The following FEM1A variants were observed in gnomAD, a reference collection of about 807,000 sequenced individuals.
FEM1A encodes the protein protein fem-1 homolog A.
FEM1A carries 1 observed loss-of-function variant against 0.7 expected under a neutral mutation model. The observed-to-expected ratio is 1.35, with a 90% CI of 0.48 to 6.40. The LOEUF (loss-of-function observed/expected upper bound fraction) is 6.40, where lower values mean the gene tolerates loss of function less well. Ranked by LOEUF, FEM1A falls within the 30% of genes most tolerant of loss-of-function variation. The pLI is 0.14. For synonymous variants in FEM1A, 391 were observed against 420.6 expected (o/e 0.93, Z 0.86); for missense variants, 721 against 918.7 (o/e 0.78, Z 2.78).
At position 4,793,502 on chromosome 19, in the gene FEM1A, G is replaced by T. The variant is rs2093557294; in HGVS notation, c.1648G>T (p.Val550Leu). 1 of 1,612,956 alleles carries T rather than the reference G, an allele frequency of 6.2e-7. No individual in the cohort carries two copies. Among genetic ancestry groups the T allele is most frequent in the Non-Finnish European group, 8.5e-7 (1 of 1,179,848 alleles). The change falls in exon 1 of 1, where the codon GTG becomes TTG. Residue 550 changes from valine to leucine, a missense_variant. This residue lies in a region of FEM1A where 379 missense variants were observed against 454.8 expected (regional missense o/e 0.83). Transcript: ENST00000269856. This position sits in a 1 kb window ranked among gnomAD's most constrained non-coding sequence, Gnocchi z 5.1. ...HMAVDKDTTNVGRYPVGRFPS... is the reference protein window; with the variant it reads ...HMAVDKDTTNLGRYPVGRFPS... ...GGCTGTGGACAAGGACACCACAAACGTGGGCCGCTATCCCGTGGGCAGATT... is the reference window on the plus strand; with the variant it reads ...GGCTGTGGACAAGGACACCACAAACTTGGGCCGCTATCCCGTGGGCAGATT...
In FEM1A at chr19:4,794,361, A is replaced by G; in HGVS notation, c.*497A>G. ...GATTCAGGGAATGAGACCACCTCTC[A>G]TTTCTTCCAGCATGATCGCGCCCTG... On this transcript the variant is annotated 3_prime_UTR_variant, in exon 1 of 1. Transcript: ENST00000269856. 5.7e-6 allele frequency: 1 copy of G among 176,278 alleles called. No individual in the cohort carries two copies. The highest frequency in any genetic ancestry group is 1.4e-5 in the Non-Finnish European group (1 of 72,900). 10.9% of individuals were successfully genotyped at this position (176,278 alleles called of 1,614,324 possible). A position where few individuals can be genotyped will look rare whatever the true frequency, so the allele number is the denominator to read the frequency against.
rs2093558542 is a variant in FEM1A at position 4,794,388 on chromosome 19, T to C, written c.*524T>C. ...TTCTTCCAGCATGATCGCGCCCTGC[T>C]CCCGTGCCACCGTAGTCCCTGGCAG... On this transcript the variant is annotated 3_prime_UTR_variant, in exon 1 of 1. Transcript: ENST00000269856. The C allele has an allele frequency of 5.8e-6, 1 of 172,132 alleles. No homozygotes were observed. Among genetic ancestry groups the C allele is most frequent in the African/African-American group, 2.4e-5 (1 of 41,482 alleles). 10.7% of individuals were successfully genotyped at this position (172,132 alleles called of 1,614,324 possible). A position where few individuals can be genotyped will look rare whatever the true frequency, so the allele number is the denominator to read the frequency against.
chr19:4,797,328 A>AT lies in FEM1A; in HGVS notation c.*3470dup, dbSNP rs1213372058. The AT allele has an allele frequency of 1.3e-5, 2 of 151,554 alleles. No individual in the cohort carries two copies. Among genetic ancestry groups the AT allele is most frequent in the Non-Finnish European group, 2.9e-5 (2 of 67,936 alleles). 9.4% of individuals were successfully genotyped at this position (151,554 alleles called of 1,614,324 possible). A position where few individuals can be genotyped will look rare whatever the true frequency, so the allele number is the denominator to read the frequency against. On this transcript the variant is annotated 3_prime_UTR_variant, in exon 1 of 1. Coordinates refer to ENST00000269856, the MANE Select transcript of FEM1A (RefSeq NM_018708.3). ...AGGCACCTGCCACCATGCCCGGCTA[A>AT]TTTTTTGTATTTTTAGTAGAGATGG...
In FEM1A at chr19:4,793,694, A is replaced by C; in HGVS notation, c.1840A>C (p.Lys614Gln). 1 of 1,612,704 alleles carries C rather than the reference A, an allele frequency of 6.2e-7. No homozygotes were observed. Among genetic ancestry groups the C allele is most frequent in the South Asian group, 1.1e-5 (1 of 91,020 alleles). ...CCACATGGACGCCACCAATGCCTTC[A>C]AGAAGACGGCCTACGAGCTGCTGGA... ...GAHMDATNAFKKTAYELLDEK... is the reference protein window; with the variant it reads ...GAHMDATNAFQKTAYELLDEK... Residue 614 changes from lysine to glutamine, a missense_variant, in exon 1 of 1, where the codon AAG becomes CAG. Coordinates refer to ENST00000269856, the MANE Select transcript of FEM1A (RefSeq NM_018708.3). This position sits in a 1 kb window ranked among gnomAD's most constrained non-coding sequence, Gnocchi z 5.1.
rs1472222629 is a variant in FEM1A, at chr19:4,792,277, C to T, written c.423C>T (p.Ala141=). Residue 141 remains alanine, a synonymous_variant, in exon 1 of 1, where the codon GCC becomes GCT. Coordinates refer to ENST00000269856, the MANE Select transcript of FEM1A (RefSeq NM_018708.3). The surrounding 1 kb of genome is among the most constrained non-coding windows in gnomAD (Gnocchi z 6.7). The part of the protein sequence containing the change: ...VVRYLVGEHQ[A]DLEVANRHGH... ...GCTACCTGGTCGGCGAGCACCAGGC[C>T]GACCTGGAGGTGGCCAACCGGCACG... The T allele has an allele frequency of 1.9e-6, 3 of 1,562,310 alleles. No individual in the cohort carries two copies. The highest frequency in any genetic ancestry group is 2.3e-5 in the East Asian group (1 of 43,370).
In FEM1A at chr19:4,795,702, C is replaced by CT. The variant is rs34120144; in HGVS notation, c.*1853dup. 5,276 of 137,272 alleles carry CT rather than the reference C, an allele frequency of 0.038. 249 individuals carry two copies. The highest frequency in any genetic ancestry group is 0.12 in the African/African-American group (4,270 of 36,756). The allele number at this position is 137,272 out of a possible 1,614,324, so 8.5% of individuals were successfully genotyped here. A position where few individuals can be genotyped will look rare whatever the true frequency, so the allele number is the denominator to read the frequency against. On this transcript the variant is annotated 3_prime_UTR_variant, in exon 1 of 1. Coordinates refer to ENST00000269856, the MANE Select transcript of FEM1A (RefSeq NM_018708.3). Reference sequence around the variant, plus strand: ...GGGGTTTCTGTGTTACATACTGGGGCTTTTTTTTTTTTTTTGAGACAGAGT... The same window carrying CT: ...GGGGTTTCTGTGTTACATACTGGGGCTTTTTTTTTTTTTTTTGAGACAGAGT...
At position 4,792,042 on chromosome 19, in the gene FEM1A, G is replaced by A; in HGVS notation, c.188G>A (p.Arg63Gln). The A allele has an allele frequency of 6.5e-7, 1 of 1,537,334 alleles. No individual in the cohort carries two copies. Among genetic ancestry groups the A allele is most frequent in the Non-Finnish European group, 8.7e-7 (1 of 1,149,870 alleles). Residue 63 changes from arginine (R) to glutamine (Q), a missense_variant, in exon 1 of 1, where the codon CGG becomes CAG. Arg to Gln is a conservative substitution (Grantham distance 43, BLOSUM62 1). Coordinates refer to ENST00000269856, the MANE Select transcript of FEM1A (RefSeq NM_018708.3). This position sits in a 1 kb window ranked among gnomAD's most constrained non-coding sequence, Gnocchi z 6.7. ...GACGTGGTGGAGTACCTGGTGGACCGGTGCGGCGCGAGCGTGGAGGCCGGT... is the reference window on the plus strand; with the variant it reads ...GACGTGGTGGAGTACCTGGTGGACCAGTGCGGCGCGAGCGTGGAGGCCGGT... Reference protein sequence around the residue: ...HLDVVEYLVDRCGASVEAGGS... With the variant: ...HLDVVEYLVDQCGASVEAGGS...
At position 4,792,475 on chromosome 19, in the gene FEM1A, C is replaced by G; in HGVS notation, c.621C>G (p.Ala207=). ...EILQLLLGCK[A]RMERDGYGMT... ...TGCAGCTGCTGCTGGGGTGCAAGGC[C>G]CGCATGGAACGTGACGGCTACGGCA... is the stretch of plus-strand genomic sequence containing the variant. Residue 207 remains alanine, a synonymous_variant, in exon 1 of 1, where the codon GCC becomes GCG. Coordinates refer to ENST00000269856, the MANE Select transcript of FEM1A (RefSeq NM_018708.3). The surrounding 1 kb of genome is among the most constrained non-coding windows in gnomAD (Gnocchi z 6.7). 1 of 1,597,280 alleles carries G rather than the reference C, an allele frequency of 6.3e-7. No individual in the cohort carries two copies. Among genetic ancestry groups the G allele is most frequent in the Non-Finnish European group, 8.5e-7 (1 of 1,179,658 alleles).
In FEM1A at chr19:4,793,175, C is replaced by G; in HGVS notation, c.1321C>G (p.Leu441Val). The G allele has an allele frequency of 1.2e-6, 2 of 1,613,598 alleles. No individual in the cohort carries two copies. Among genetic ancestry groups the G allele is most frequent in the East Asian group, 2.2e-5 (1 of 44,874 alleles). The change falls in exon 1 of 1, where the codon CTC becomes GTC. Residue 441 changes from leucine to valine, a missense_variant. This residue lies in a region of FEM1A where 379 missense variants were observed against 454.8 expected (regional missense o/e 0.83). Transcript: ENST00000269856. This position sits in a 1 kb window ranked among gnomAD's most constrained non-coding sequence, Gnocchi z 5.1. ...TASSFLSFAE[L>V]FSYVLQDRAA... is the part of the protein sequence containing the mutation. ...CAGCAGCTTCCTCTCCTTCGCGGAA[C>G]TCTTCTCCTACGTGCTTCAGGACCG...
Position 4,792,713 on chromosome 19 carries a change from G to C in FEM1A, c.859G>C (p.Glu287Gln). Reference protein sequence around the residue: ...PEEPLNGESYESCCPTSREAA... With the variant: ...PEEPLNGESYQSCCPTSREAA... ...GGAACCACTGAACGGGGAATCTTAC[G>C]AAAGCTGCTGTCCCACCAGCCGGGA... The change falls in exon 1 of 1, where the codon GAA (glutamate) becomes CAA (glutamine). Residue 287 changes from glutamate to glutamine, a missense_variant. Glu to Gln is a conservative substitution (Grantham distance 29, BLOSUM62 2). Coordinates refer to ENST00000269856, the MANE Select transcript of FEM1A (RefSeq NM_018708.3). This position sits in a 1 kb window ranked among gnomAD's most constrained non-coding sequence, Gnocchi z 6.7. 6.2e-7 allele frequency: 1 copy of C among 1,612,064 alleles called. No homozygotes were observed. The highest frequency in any genetic ancestry group is 8.5e-7 in the Non-Finnish European group (1 of 1,179,864).
rs1425996695 is a variant in FEM1A at position 4,799,025 on chromosome 19, T to A, written c.*5161T>A. On this transcript the variant is annotated 3_prime_UTR_variant, in exon 1 of 1. Transcript: ENST00000269856. ...CGATCCAGCAGATCCCAGTTGTTCC[T>A]AAAGACCTGGTTGCTAGCTCCTCTG... 6.7e-6 allele frequency: 1 copy of A among 149,978 alleles called. No individual in the cohort carries two copies. Among genetic ancestry groups the A allele is most frequent in the Non-Finnish European group, 1.5e-5 (1 of 67,750 alleles). 9.3% of individuals were successfully genotyped at this position (149,978 alleles called of 1,614,324 possible).
Position 4,792,153 on chromosome 19 carries a change from G to T in FEM1A, c.299G>T (p.Arg100Leu), listed in dbSNP as rs1490826450. ...ASAAGHLDVV[R>L]SLLRRGASVN... Reference sequence around the variant, plus strand: ...GCAGCCGGCCACCTGGACGTGGTGCGGAGCCTGCTGCGCCGCGGGGCCTCG... The same window carrying T: ...GCAGCCGGCCACCTGGACGTGGTGCTGAGCCTGCTGCGCCGCGGGGCCTCG... Residue 100 changes from arginine to leucine, a missense_variant, in exon 1 of 1, where the codon CGG (arginine) becomes CTG (leucine). Coordinates refer to ENST00000269856, the MANE Select transcript of FEM1A (RefSeq NM_018708.3). This position sits in a 1 kb window ranked among gnomAD's most constrained non-coding sequence, Gnocchi z 6.7. The T allele has an allele frequency of 6.6e-7, 1 of 1,517,090 alleles. No individual in the cohort carries two copies. Among genetic ancestry groups the T allele is most frequent in the African/African-American group, 1.4e-5 (1 of 71,840 alleles). The allele number at this position is 1,517,090 out of a possible 1,614,324, so 94.0% of individuals were successfully genotyped here.
Position 4,792,033 on chromosome 19 carries a change from T to C in FEM1A, c.179T>C (p.Leu60Pro), listed in dbSNP as rs2093554968. 1.9e-6 allele frequency: 3 copies of C among 1,539,388 alleles called. No homozygotes were observed. The highest frequency in any genetic ancestry group is 2.6e-6 in the Non-Finnish European group (3 of 1,151,184). ...GGCCACCTGGACGTGGTGGAGTACC[T>C]GGTGGACCGGTGCGGCGCGAGCGTG... is the stretch of plus-strand genomic sequence containing the variant. ...RYGHLDVVEY[L>P]VDRCGASVEA... Residue 60 changes from leucine to proline, a missense_variant, in exon 1 of 1, where the codon CTG becomes CCG. Physicochemically the swap from Leu to Pro is moderately conservative, Grantham distance 98 (BLOSUM62 -3). Around this residue, in one of 4 missense-constraint regions of FEM1A, gnomAD observed 195 missense variants for 316.9 expected, o/e 0.62. Transcript: ENST00000269856. This position sits in a 1 kb window ranked among gnomAD's most constrained non-coding sequence, Gnocchi z 6.7.
chr19:4,791,927 G>T lies in FEM1A; in HGVS notation c.73G>T (p.Gly25Cys). The change falls in exon 1 of 1, where the codon GGC becomes TGC. Residue 25 changes from glycine to cysteine, a missense_variant. Coordinates refer to ENST00000269856, the MANE Select transcript of FEM1A (RefSeq NM_018708.3). ...GCAGCTGCTCCAGAAGCTGCTCAGC[G>T]GCCGGAGCCGGGAGGAACTGGACGA... The part of the protein sequence containing the change: ...KLQLLQKLLS[G>C]RSREELDELT... The T allele has an allele frequency of 6.6e-7, 1 of 1,526,340 alleles. No individual in the cohort carries two copies. The highest frequency in any genetic ancestry group is 2.5e-5 in the East Asian group (1 of 40,038). The allele number at this position is 1,526,340 out of a possible 1,614,324, so 94.5% of individuals were successfully genotyped here.
rs759761498 is a variant in FEM1A at position 4,793,460 on chromosome 19, T to G, written c.1606T>G (p.Phe536Val). The G allele has an allele frequency of 1.9e-6, 3 of 1,612,438 alleles. No individual in the cohort carries two copies. The South Asian group carries it at 3.3e-5, about 18-fold the overall frequency. ...GTGCGCGCCCAGGGGCAAGAACGGCTTCACCCCTCTGCACATGGCTGTGGA... is the reference window on the plus strand; with the variant it reads ...GTGCGCGCCCAGGGGCAAGAACGGCGTCACCCCTCTGCACATGGCTGTGGA... ...LKCAPRGKNGFTPLHMAVDKD... is the reference protein window; with the variant it reads ...LKCAPRGKNGVTPLHMAVDKD... Residue 536 changes from phenylalanine to valine, a missense_variant, in exon 1 of 1, where the codon TTC becomes GTC. Coordinates refer to ENST00000269856, the MANE Select transcript of FEM1A (RefSeq NM_018708.3). This position sits in a 1 kb window ranked among gnomAD's most constrained non-coding sequence, Gnocchi z 5.1.
chr19:4,798,048 C>T lies in FEM1A; in HGVS notation c.*4184C>T, dbSNP rs1173090525. ...AGGAGATCGAGACCATCCTGGCTAA[C>T]ACGGTGAAACCCCGTCTCTACTAAA... On this transcript the variant is annotated 3_prime_UTR_variant, in exon 1 of 1. Transcript: ENST00000269856. The T allele has an allele frequency of 1.4e-5, 2 of 144,840 alleles. No homozygotes were observed. Among genetic ancestry groups the T allele is most frequent in the Non-Finnish European group, 3.0e-5 (2 of 66,298 alleles). The allele number at this position is 144,840 out of a possible 1,614,324, so 9.0% of individuals were successfully genotyped here.
In FEM1A at chr19:4,792,524, G is replaced by A; in HGVS notation, c.670G>A (p.Val224Met). The A allele has an allele frequency of 6.2e-7, 1 of 1,600,160 alleles. No homozygotes were observed. The highest frequency in any genetic ancestry group is 8.5e-7 in the Non-Finnish European group (1 of 1,179,698). ...YGMTPLLAAS[V>M]TGHTNIVEYL... ...CATGACCCCGCTGCTCGCGGCCAGCGTGACGGGCCACACCAACATCGTGGA... is the reference window on the plus strand; with the variant it reads ...CATGACCCCGCTGCTCGCGGCCAGCATGACGGGCCACACCAACATCGTGGA... The change falls in exon 1 of 1, where the codon GTG becomes ATG. Residue 224 changes from valine to methionine, a missense_variant. Around this residue, in one of 4 missense-constraint regions of FEM1A, gnomAD observed 137 missense variants for 121.7 expected, o/e 1.13. Transcript: ENST00000269856. This position sits in a 1 kb window ranked among gnomAD's most constrained non-coding sequence, Gnocchi z 6.7.
At position 4,793,000 on chromosome 19, in the gene FEM1A, C is replaced by G. The variant is rs758329146; in HGVS notation, c.1146C>G (p.Leu382=). ...MQALLIRERI[L]GPSHPDTSYY... The stretch of plus-strand genomic sequence containing the variant: ...CCCTGTTGATCCGGGAGCGCATCCT[C>G]GGTCCCTCGCACCCGGACACTTCCT... Residue 382 remains leucine, a synonymous_variant, in exon 1 of 1, where the codon CTC becomes CTG. Coordinates refer to ENST00000269856, the MANE Select transcript of FEM1A (RefSeq NM_018708.3). This position sits in a 1 kb window ranked among gnomAD's most constrained non-coding sequence, Gnocchi z 6.7. The G allele has an allele frequency of 1.2e-6, 2 of 1,613,138 alleles. No homozygotes were observed. Among genetic ancestry groups the G allele is most frequent in the Non-Finnish European group, 1.7e-6 (2 of 1,180,010 alleles).
chr19:4,791,777 C>A lies in FEM1A; in HGVS notation c.-78C>A. On this transcript the variant is annotated 5_prime_UTR_variant, in exon 1 of 1. Coordinates refer to ENST00000269856, the MANE Select transcript of FEM1A (RefSeq NM_018708.3). ...CGGCGAGGGGGACGGTGAAGGTTGCCTCCCGCCCGTCCGGGCTCTGATCCT... is the reference window on the plus strand; with the variant it reads ...CGGCGAGGGGGACGGTGAAGGTTGCATCCCGCCCGTCCGGGCTCTGATCCT... 11 of 1,365,228 alleles carry A rather than the reference C, an allele frequency of 8.1e-6. No individual in the cohort carries two copies. Among genetic ancestry groups the A allele is most frequent in the Non-Finnish European group, 1.0e-5 (11 of 1,048,040 alleles). 84.6% of individuals were successfully genotyped at this position (1,365,228 alleles called of 1,614,324 possible). A position where few individuals can be genotyped will look rare whatever the true frequency, so the allele number is the denominator to read the frequency against.
Sources: allele counts gnomAD v4.1 joint callset, GRCh38; gene constraint gnomAD v4.1.1; regional missense constraint gnomAD v4.1.1; non-coding constraint Gnocchi (gnomAD v3.1); transcripts MANE v1.5; gene names NCBI Gene and HGNC (gene_info 2026-07-23, HGNC 2026-07-21).